The following SPON1 variants were observed in gnomAD, a reference collection of about 807,000 sequenced individuals.
SPON1 encodes the protein spondin-1.
SPON1 carries 52 observed loss-of-function variants against 111.7 expected under a neutral mutation model. The ratio of observed to expected loss-of-function variants is 0.47; its 90% CI spans 0.37 to 0.59. SPON1 has a LOEUF of 0.59. Ranked by LOEUF, SPON1 falls within the 20% of genes least tolerant of loss-of-function variation. SPON1 has a pLI of 0.00. For missense variants in SPON1, 957 were observed against 1,068.5 expected, an observed-to-expected ratio of 0.90 and a Z score of 1.46; for synonymous variants, 410 against 395.8, an observed-to-expected ratio of 1.04 and a Z score of -0.43.
At chr11:14,064,083 T>A (rs1239773378) in intron 3 of SPON1, among the ~76,000 whole-genome samples, 14 of 152,310 alleles carry the variant, frequency 9.2e-5, no homozygotes, top group Admixed American at 3.9e-4. Flanking sequence ...AAAGTCAGTG[T>A]ATTGAAAATG....
chr11:14,025,209 T>A (rs1233209715), intron 2 of SPON1, among the ~76,000 whole-genome samples: 7 of 152,216 alleles, frequency 4.6e-5, no homozygotes, highest in African/African-American at 1.7e-4. Flanking sequence ...GGAGCTTACA[T>A]TCTCATTCCT....
chr11:13,999,526 C>T (rs1848299793), intron 2 of SPON1, among the ~76,000 whole-genome samples: 1 of 151,994 alleles, frequency 6.6e-6, no homozygotes, highest in African/African-American at 2.4e-5. Flanking sequence ...CTGCCTCAGC[C>T]TCCTGAGTAG....
chr11:14,209,118 G>C (rs1347421343), intron 6 of SPON1, among the ~76,000 whole-genome samples: 2 of 152,106 alleles, frequency 1.3e-5, no homozygotes, highest in African/African-American at 2.4e-5. Flanking sequence ...GAGAGAGAGA[G>C]AAAGGGAGAA....
chr11:14,097,165 A>G (rs1554923950), intron 5 of SPON1, among the ~76,000 whole-genome samples: 1 of 152,190 alleles, frequency 6.6e-6, no homozygotes. Context: ...CTCTTTGCCA[A>G]CACTAGGCTG....
At chr11:14,059,901 G>A (rs1848777440) in intron 3 of SPON1, among the ~76,000 whole-genome samples, 1 of 152,154 alleles carries the variant, frequency 6.6e-6, no homozygotes, top group African/African-American at 2.4e-5. Context: ...TCCTTGACTG[G>A]TTCTAAGCAT....
rs568956869 is a variant in SPON1 at position 14,189,585 on chromosome 11, C to A, written c.826-53747C>A. On this transcript the variant is annotated intron_variant, in intron 6 of 15. Transcript: ENST00000576479. ...CCAAGGCTTCCTTGCTCTGGCCCCA[C>A]CCCATATCCCTATTACCTTCCCACT... Among the ~76,000 whole-genome samples, 9 of 152,308 alleles carry A rather than the reference C, an allele frequency of 5.9e-5. No individual in the cohort carries two copies. The South Asian group carries it at 1.7e-3, about 28-fold the overall frequency.
intron 6 of SPON1, among the ~76,000 whole-genome samples, chr11:14,147,410 AG>A (rs1424370764): frequency 6.6e-6 from 1 of 151,352 alleles, no homozygotes; most frequent in Non-Finnish European, 1.5e-5. Flanking sequence ...AGGTTAATGA[AG>A]TAAACTAAAA....
At chr11:14,094,290 T>C (rs902274869) in intron 5 of SPON1, among the ~76,000 whole-genome samples, 4 of 152,022 alleles carry the variant, frequency 2.6e-5, no homozygotes, top group African/African-American at 7.2e-5. Flanking sequence ...AATTATTTCC[T>C]TGAAATAATT....
At chr11:14,103,910 C>A (rs1159566964) in intron 5 of SPON1, among the ~76,000 whole-genome samples, 10 of 152,112 alleles carry the variant, frequency 6.6e-5, no homozygotes, top group African/African-American at 2.2e-4. Flanking sequence ...AAATTGTATA[C>A]TTATTAATTT....
chr11:14,199,459 CTCTA>C (rs1323696729), intron 6 of SPON1, among the ~76,000 whole-genome samples: 2 of 151,828 alleles, frequency 1.3e-5, no homozygotes, highest in Admixed American at 1.3e-4. Flanking sequence ...CCTCTTACTC[CTCTA>C]TCTCTTTCCT....
chr11:14,151,463 C>T (rs538043337), intron 6 of SPON1, among the ~76,000 whole-genome samples: 7 of 152,242 alleles, frequency 4.6e-5, no homozygotes, highest in Middle Eastern at 6.8e-3. Flanking sequence ...AGCAAGGAAG[C>T]GACCAGAGAC....
At chr11:14,172,262 CTT>C (rs1206416203) in intron 6 of SPON1, among the ~76,000 whole-genome samples, 2 of 151,822 alleles carry the variant, frequency 1.3e-5, no homozygotes, top group African/African-American at 4.8e-5. Flanking sequence ...TTCTTTGTCT[CTT>C]TTGATCTTTG....
rs1485950711 is a variant in SPON1, at chr11:13,962,855, G to A, written c.-50G>A. On this transcript the variant is annotated 5_prime_UTR_variant, in exon 1 of 16. Coordinates refer to ENST00000576479, the MANE Select transcript of SPON1 (RefSeq NM_006108.4). ...TTCGTCGGGACCACTTCGGGCAGGA[G>A]TCGCGTGGCGAAGGCCTGCGGCCGC... The A allele has an allele frequency of 2.9e-6, 4 of 1,401,548 alleles. No homozygotes were observed. Among genetic ancestry groups the A allele is most frequent in the Non-Finnish European group, 3.7e-6 (4 of 1,080,878 alleles). 86.8% of individuals were successfully genotyped at this position (1,401,548 alleles called of 1,614,324 possible). A position where few individuals can be genotyped will look rare whatever the true frequency, so the allele number is the denominator to read the frequency against.
chr11:13,964,676 C>A (rs1554907870), intron 1 of SPON1, among the ~76,000 whole-genome samples: 1 of 152,166 alleles, frequency 6.6e-6, no homozygotes, highest in Non-Finnish European at 1.5e-5. Context: ...CGGAGAACAC[C>A]CCGCCCAGCC....
intron 2 of SPON1, among the ~76,000 whole-genome samples, chr11:13,991,613 C>G (rs1456556678): frequency 6.6e-6 from 1 of 152,162 alleles, no homozygotes; most frequent in Non-Finnish European, 1.5e-5. Flanking sequence ...CAGTTTTGTT[C>G]CCTTGCTGGT....
intron 5 of SPON1, among the ~76,000 whole-genome samples, chr11:14,119,174 G>C (rs1327597315): frequency 6.6e-6 from 1 of 152,146 alleles, no homozygotes; most frequent in Admixed American, 6.5e-5. Flanking sequence ...CATGATCTTA[G>C]TTGGACAAGC....
intron 6 of SPON1, among the ~76,000 whole-genome samples, chr11:14,201,175 C>T (rs1848458392): frequency 6.6e-6 from 1 of 151,894 alleles, no homozygotes. Context: ...CCCATCTCTA[C>T]TAAAAATACA....
chr11:14,096,899 GA>G (rs1849106076), intron 5 of SPON1, among the ~76,000 whole-genome samples: 1 of 152,084 alleles, frequency 6.6e-6, no homozygotes, highest in South Asian at 2.1e-4. Flanking sequence ...GATAAAATAA[GA>G]AGCAAAGCTA....
chr11:14,067,827 A>G (rs1591366610), intron 3 of SPON1, among the ~76,000 whole-genome samples: 1 of 152,204 alleles, frequency 6.6e-6, no homozygotes, highest in South Asian at 2.1e-4. Context: ...AGTGGGGAAG[A>G]TGGAGGGAAT....
Sources: gnomAD v4.1 joint callset for allele counts (sites outside exome capture counted in the v4.1 genomes callset) on GRCh38, gnomAD v4.1.1 for gene constraint, MANE v1.5 for transcripts, NCBI Gene and HGNC (gene_info 2026-07-23, HGNC 2026-07-21) for gene names.